The following CD163L1 variants were observed in gnomAD, a reference collection of about 807,000 sequenced individuals.
The protein encoded by CD163L1 is scavenger receptor cysteine-rich type 1 protein M160.
Under a neutral mutation model 165.4 loss-of-function variants are expected in CD163L1, and 124 were observed. The ratio of observed to expected loss-of-function variants is 0.75; its 90% CI spans 0.65 to 0.87. The LOEUF (loss-of-function observed/expected upper bound fraction) is 0.87, where lower values mean the gene tolerates loss of function less well. CD163L1 is among the 40% of genes least tolerant of loss of function. CD163L1 has a pLI of 0.00. For missense variants in CD163L1, 1,525 were observed against 1,799.9 expected (o/e 0.85, Z 2.76); for synonymous variants, 585 against 662.2 (o/e 0.88, Z 1.79).
the CD163L1 span, among the ~76,000 whole-genome samples, chr12:7,336,487 A>T: frequency 4.6e-5 from 7 of 152,152 alleles, no homozygotes; most frequent in Non-Finnish European, 7.4e-5. Flanking sequence ...GAAGGGGAAC[A>T]TCACACACTG....
intron 4 of CD163L1, among the ~76,000 whole-genome samples, chr12:7,423,672 A>G (rs1281419997): frequency 6.6e-6 from 1 of 152,176 alleles, no homozygotes; most frequent in Admixed American, 6.6e-5. Context: ...ACAGAAATAC[A>G]AACTACCGTC....
the CD163L1 span, among the ~76,000 whole-genome samples, chr12:7,333,855 T>C: frequency 7.9e-5 from 12 of 151,692 alleles, no homozygotes; most frequent in African/African-American, 2.7e-4. Context: ...GAGAATACTA[T>C]AAACACCTCT....
At chr12:7,410,701 G>T (rs1591940650) in intron 4 of CD163L1, among the ~76,000 whole-genome samples, 1 of 150,284 alleles carries the variant, frequency 6.7e-6, no homozygotes, top group Middle Eastern at 3.4e-3. Context: ...ATGATGGCAC[G>T]TGCCTGTAGT....
intron 8 of CD163L1, among the ~76,000 whole-genome samples, chr12:7,383,933 AG>A: frequency 6.6e-6 from 1 of 152,366 alleles, no homozygotes; most frequent in South Asian, 2.1e-4. Flanking sequence ...ACACCTTCAA[AG>A]GAACACAATA....
chr12:7,407,808 G>GAC lies in CD163L1; in HGVS notation c.767-958_767-957dup, dbSNP rs1174251700. Among the ~76,000 whole-genome samples, 247 of 109,306 alleles carry GAC rather than the reference G, an allele frequency of 2.3e-3. 1 individual carries two copies. The highest frequency in any genetic ancestry group is 9.6e-3 in the Middle Eastern group (2 of 208). 71.7% of individuals were successfully genotyped at this position (109,306 alleles called of 152,430 possible). A position where few individuals can be genotyped will look rare whatever the true frequency, so the allele number is the denominator to read the frequency against. ...ACACACACACACACACACACACACA[G>GAC]ACACACACACACACACACATACACA... On this transcript the variant is annotated intron_variant, in intron 4 of 19. Coordinates refer to ENST00000313599, the MANE Select transcript of CD163L1 (RefSeq NM_174941.6).
In CD163L1 at chr12:7,420,865, G is replaced by A. The variant is rs1464033529; in HGVS notation, c.766+11551C>T. On this transcript the variant is annotated intron_variant, in intron 4 of 19. Transcript: ENST00000313599. ...TACTGGGTCTCTACCGAGAGGAAAA[G>A]AAGTCATTATCTGAAAAAGGTATTT... Among the ~76,000 whole-genome samples, 8 of 151,318 alleles carry A rather than the reference G, an allele frequency of 5.3e-5. No individual in the cohort carries two copies. In the East Asian group the frequency reaches 1.6e-3, roughly 29 times the overall value.
intron 19 of CD163L1, among the ~76,000 whole-genome samples, chr12:7,356,060 G>A (rs34775546): frequency 0.061 from 9,210 of 152,070 alleles, 377 homozygotes; most frequent in East Asian, 0.16. Flanking sequence ...ACAACACATA[G>A]TATTCATTGG....
intron 8 of CD163L1, among the ~76,000 whole-genome samples, chr12:7,388,657 T>C (rs962944686): frequency 2.6e-5 from 4 of 151,330 alleles, no homozygotes; most frequent in South Asian, 2.1e-4. Flanking sequence ...GGTGGGAGGA[T>C]TGCTTGAGCC....
chr12:7,324,058 G>T, the CD163L1 span, among the ~76,000 whole-genome samples: 3 of 151,828 alleles, frequency 2.0e-5, no homozygotes, highest in African/African-American at 7.3e-5. Context: ...CATGTCTGTG[G>T]TCCCAGCTAC....
Position 7,396,045 on chromosome 12 carries a change from A to G in CD163L1, c.2050+50T>C, listed in dbSNP as rs373011307. 32 of 1,477,234 alleles carry G rather than the reference A, an allele frequency of 2.2e-5. No homozygotes were observed. In the African/African-American group the frequency reaches 4.3e-4, roughly 20 times the overall value. The allele number at this position is 1,477,234 out of a possible 1,614,324, so 91.5% of individuals were successfully genotyped here. A position where few individuals can be genotyped will look rare whatever the true frequency, so the allele number is the denominator to read the frequency against. On this transcript the variant is annotated intron_variant, in intron 8 of 19. Coordinates refer to ENST00000313599, the MANE Select transcript of CD163L1 (RefSeq NM_174941.6). ...TGACTAAGAAGAAAGAAGGTATGTT[A>G]GAGAACCCAGGCAGTTTCTTTTAAG...
chr12:7,433,777 T>A, intron 2 of CD163L1, 83 bp from the exon 3 acceptor site: 1 of 1,010,490 alleles, frequency 9.9e-7, no homozygotes, highest in Non-Finnish European at 1.5e-6. Flanking sequence ...TGGATGATGA[T>A]CATTTAGTTT....
chr12:7,356,574 C>T lies in CD163L1; in HGVS notation c.*24+806G>A, dbSNP rs74056464. 6.5e-3 allele frequency among the ~76,000 whole-genome samples: 988 copies of T among 152,136 alleles called. 10 individuals are homozygous for T. The highest frequency in any genetic ancestry group is 0.022 in the African/African-American group (930 of 41,500). ...AAAATTTAGAATTATCTTTGGGCTA[C>T]GCAGAAATGCTGTTTTCAGAATTGC... On this transcript the variant is annotated intron_variant, in intron 19 of 19. Coordinates refer to ENST00000313599, the MANE Select transcript of CD163L1 (RefSeq NM_174941.6).
chr12:7,374,849 T>C lies in CD163L1; in HGVS notation c.3076A>G (p.Ser1026Gly). Residue 1026 changes from serine to glycine, a missense_variant, in exon 12 of 20, where the codon AGT (serine) becomes GGT (glycine). Transcript: ENST00000313599. This position sits in a 1 kb window ranked among gnomAD's most constrained non-coding sequence, Gnocchi z 5.4. ...DPYLSAVPEG[S>G]ALICLEDKRL... is the part of the protein sequence containing the mutation. ...TGCTTACCTAAGCAGATCAAAGCACTGCCCTCTGGAACTGCAGACAAATAT... is the reference window on the plus strand; with the variant it reads ...TGCTTACCTAAGCAGATCAAAGCACCGCCCTCTGGAACTGCAGACAAATAT... 3 of 1,614,212 alleles carry C rather than the reference T, an allele frequency of 1.9e-6. No homozygotes were observed. The highest frequency in any genetic ancestry group is 2.2e-5 in the East Asian group (1 of 44,878).
At chr12:7,393,235 G>A (rs1227994705) in intron 8 of CD163L1, among the ~76,000 whole-genome samples, 2 of 152,156 alleles carry the variant, frequency 1.3e-5, no homozygotes, top group Non-Finnish European at 2.9e-5. Context: ...CGGTCAAGTT[G>A]GCTTCATCCC....
chr12:7,379,334 C>T (rs1230562182), intron 8 of CD163L1, 36 bp from the exon 9 acceptor site: 1 of 1,597,734 alleles, frequency 6.3e-7, no homozygotes, highest in Admixed American at 1.7e-5. Context: ...TAGAGAAGCA[C>T]TCTATGTGAG....
At chr12:7,321,138 C>T in the CD163L1 span, among the ~76,000 whole-genome samples, 143 of 152,244 alleles carry the variant, frequency 9.4e-4, 2 homozygotes, top group African/African-American at 3.2e-3. Flanking sequence ...GGACATTTTT[C>T]CAGGGACAAC....
intron 2 of CD163L1, among the ~76,000 whole-genome samples, chr12:7,437,142 A>T (rs1015549309): frequency 1.3e-5 from 1 of 79,610 alleles, no homozygotes; most frequent in African/African-American, 4.3e-5. Context: ...TTTATTTATT[A>T]TTTTTATTAT....
At chr12:7,422,968 A>C (rs1231828170) in intron 4 of CD163L1, among the ~76,000 whole-genome samples, 1 of 152,062 alleles carries the variant, frequency 6.6e-6, no homozygotes, top group Non-Finnish European at 1.5e-5. Flanking sequence ...TCAGCTCTGG[A>C]CCAAGCAAAC....
chr12:7,334,848 C>T, the CD163L1 span, among the ~76,000 whole-genome samples: 1 of 152,116 alleles, frequency 6.6e-6, no homozygotes, highest in African/African-American at 2.4e-5. Context: ...ACACCAATAA[C>T]AGACAAACAG....
Sources: allele counts gnomAD v4.1 joint callset (sites outside exome capture counted in the v4.1 genomes callset), GRCh38; gene constraint gnomAD v4.1.1; non-coding constraint Gnocchi (gnomAD v3.1); transcripts MANE v1.5; gene names NCBI Gene and HGNC (gene_info 2026-07-23, HGNC 2026-07-21).